FHIT: variants seen among roughly 807,000 people sequenced by gnomAD.
FHIT encodes the protein fragile histidine triad diadenosine triphosphatase, also known as bis(5'-adenosyl)-triphosphatase.
FHIT carries 19 observed loss-of-function variants against 17.9 expected under a neutral mutation model. The observed-to-expected ratio is 1.06, with a 90% CI of 0.74 to 1.56. The LOEUF is 1.56. FHIT is among the 40% of genes most tolerant of loss of function. The pLI, the probability that FHIT is intolerant of heterozygous loss-of-function variation, is 0.00. For missense variants in FHIT, 248 were observed against 189.2 expected (o/e 1.31, Z -1.82); for synonymous variants, 81 against 69.7 (o/e 1.16, Z -0.81).
chr3:60,678,146 A>G (rs1230016773), intron 4 of FHIT, among the ~76,000 whole-genome samples: 6 of 151,964 alleles, frequency 3.9e-5, no homozygotes, highest in Admixed American at 2.0e-4. Flanking sequence ...CTTGGTTTTC[A>G]TTTTCATTTT....
At chr3:60,544,659 C>T (rs936982308) in intron 4 of FHIT, among the ~76,000 whole-genome samples, 2 of 147,174 alleles carry the variant, frequency 1.4e-5, no homozygotes, top group Admixed American at 6.9e-5. Flanking sequence ...CACAGTGGCA[C>T]GATCTGGGCT....
intron 1 of FHIT, among the ~76,000 whole-genome samples, chr3:61,222,581 A>C (rs1309419180): frequency 6.6e-6 from 1 of 152,202 alleles, no homozygotes; most frequent in African/African-American, 2.4e-5. Flanking sequence ...AAATGATCTT[A>C]ACAAACAGTG....
intron 3 of FHIT, among the ~76,000 whole-genome samples, chr3:60,928,308 T>C (rs1261530294): frequency 1.3e-5 from 1 of 79,508 alleles, no homozygotes; most frequent in African/African-American, 5.1e-5. Context: ...GATCAACAAA[T>C]ACTAAAAAAA....
At chr3:60,067,312 C>T (rs1473884529) in intron 5 of FHIT, among the ~76,000 whole-genome samples, 3 of 144,316 alleles carry the variant, frequency 2.1e-5, no homozygotes, top group Non-Finnish European at 4.5e-5. Context: ...AATCTCTTCA[C>T]AAATATGTAT....
chr3:60,317,071 G>T (rs750163898), intron 5 of FHIT, among the ~76,000 whole-genome samples: 1 of 152,110 alleles, frequency 6.6e-6, no homozygotes, highest in Non-Finnish European at 1.5e-5. Flanking sequence ...AACTTTACAG[G>T]AAAGTATATT....
intron 5 of FHIT, among the ~76,000 whole-genome samples, chr3:60,454,571 A>G (rs749263515): frequency 1.3e-5 from 2 of 151,886 alleles, no homozygotes; most frequent in Non-Finnish European, 2.9e-5. Context: ...TTTTTAGTAG[A>G]GATGGGGTTT....
chr3:60,320,198 C>T (rs924338786), intron 5 of FHIT, among the ~76,000 whole-genome samples: 1 of 152,176 alleles, frequency 6.6e-6, no homozygotes, highest in Non-Finnish European at 1.5e-5. Context: ...ACAATTACAA[C>T]GTTAAGCTTC....
intron 3 of FHIT, among the ~76,000 whole-genome samples, chr3:61,039,939 T>C (rs2033429530): frequency 6.6e-6 from 1 of 152,332 alleles, no homozygotes; most frequent in South Asian, 2.1e-4. Flanking sequence ...ACTTGAAGAT[T>C]CTTCTGAAAG....
chr3:60,662,637 G>C (rs1227682349), intron 4 of FHIT, among the ~76,000 whole-genome samples: 1 of 151,922 alleles, frequency 6.6e-6, no homozygotes, highest in Admixed American at 6.6e-5. Flanking sequence ...ATTTCTTTAG[G>C]CAATATAGGC....
At chr3:60,903,342 A>G (rs1706220325) in intron 3 of FHIT, among the ~76,000 whole-genome samples, 1 of 152,228 alleles carries the variant, frequency 6.6e-6, no homozygotes, top group South Asian at 2.1e-4. Context: ...CCTACATTAT[A>G]TCATTTAACA....
chr3:60,090,013 G>A (rs1032837078), intron 5 of FHIT, among the ~76,000 whole-genome samples: 3 of 152,100 alleles, frequency 2.0e-5, no homozygotes, highest in Non-Finnish European at 4.4e-5. Context: ...TCCAGGCATT[G>A]ATCTAAATGC....
intron 3 of FHIT, among the ~76,000 whole-genome samples, chr3:61,021,920 C>A (rs2365042): frequency 0.99 from 150,878 of 152,236 alleles, 74,776 homozygotes; most frequent in Middle Eastern, 1. Context: ...ACACCCTAAC[C>A]TCACAATTAA....
At chr3:60,809,440 A>G (rs73109615) in intron 4 of FHIT, among the ~76,000 whole-genome samples, 4 of 152,318 alleles carry the variant, frequency 2.6e-5, no homozygotes, top group Non-Finnish European at 4.4e-5. Flanking sequence ...TATTATAACC[A>G]TGCATGACTC....
At chr3:61,199,756 GA>G (rs34673542) in intron 2 of FHIT, among the ~76,000 whole-genome samples, 64,635 of 151,704 alleles carry the variant, frequency 0.43, 14,204 homozygotes, top group East Asian at 0.58. Flanking sequence ...AAAAATGACA[GA>G]AAAAAACCCT....
At chr3:59,811,629 C>T (rs1700408616) in intron 8 of FHIT, among the ~76,000 whole-genome samples, 1 of 152,124 alleles carries the variant, frequency 6.6e-6, no homozygotes, top group Non-Finnish European at 1.5e-5. Flanking sequence ...TAGTGATTTA[C>T]TGGACTCCTT....
At chr3:59,807,142 A>T (rs1700235932) in intron 8 of FHIT, among the ~76,000 whole-genome samples, 1 of 152,188 alleles carries the variant, frequency 6.6e-6, no homozygotes, top group African/African-American at 2.4e-5. Context: ...AGATATATAC[A>T]TAGGTTAGAT....
chr3:61,141,906 T>A (rs1025413933), intron 2 of FHIT, among the ~76,000 whole-genome samples: 1 of 151,446 alleles, frequency 6.6e-6, no homozygotes, highest in South Asian at 2.1e-4. Context: ...ATGACTGCAG[T>A]TCACCCAGGC....
intron 7 of FHIT, among the ~76,000 whole-genome samples, chr3:59,992,090 T>G (rs1480985904): frequency 1.3e-5 from 2 of 152,024 alleles, no homozygotes; most frequent in Non-Finnish European, 2.9e-5. Flanking sequence ...ATGAAAGATT[T>G]GTCCAAGGCT....
chr3:60,204,032 G>A (rs1218222913), intron 5 of FHIT, among the ~76,000 whole-genome samples: 2 of 152,058 alleles, frequency 1.3e-5, no homozygotes, highest in African/African-American at 4.8e-5. Context: ...GCACAACAAG[G>A]TGATTATAGT....
Sources: allele counts gnomAD v4.1 joint callset (sites outside exome capture counted in the v4.1 genomes callset), GRCh38; gene constraint gnomAD v4.1.1; transcripts MANE v1.5; gene names NCBI Gene and HGNC (gene_info 2026-07-23, HGNC 2026-07-21).